Variants in C12orf42 observed in about 807,000 individuals in gnomAD.
C12orf42 encodes the protein chromosome 12 open reading frame 42, also known as uncharacterized protein C12orf42.
Under a neutral mutation model 21.6 loss-of-function variants are expected in C12orf42, and 25 were observed. The observed-to-expected ratio is 1.16, with a 90% CI of 0.84 to 1.62. C12orf42 has a LOEUF of 1.62. Among genes scored for constraint, C12orf42 ranks in the 40% most tolerant of loss-of-function variants. C12orf42 has a pLI of 0.00. For missense variants in C12orf42, 483 were observed against 459.3 expected, an observed-to-expected ratio of 1.05 and a Z score of -0.47; for synonymous variants, 174 against 175.0, an observed-to-expected ratio of 0.99 and a Z score of 0.05.
chr12:103,140,043 C>T, the C12orf42 span, among the ~76,000 whole-genome samples: 1 of 152,144 alleles, frequency 6.6e-6, no homozygotes, highest in Non-Finnish European at 1.5e-5. Context: ...TCAGCCCAAC[C>T]TCGAGGTGGC....
At chr12:103,481,670 C>T (rs529781733) in intron 1 of C12orf42, among the ~76,000 whole-genome samples, 1 of 150,858 alleles carries the variant, frequency 6.6e-6, no homozygotes, top group Non-Finnish European at 1.5e-5. Context: ...AAAAAAATAC[C>T]GTCTGACAAC....
intron 3 of C12orf42, among the ~76,000 whole-genome samples, chr12:103,393,562 A>C (rs916524728): frequency 6.6e-6 from 1 of 151,992 alleles, no homozygotes; most frequent in African/African-American, 2.4e-5. Flanking sequence ...ATCAACAACA[A>C]CACATGCTTC....
intron 1 of C12orf42, among the ~76,000 whole-genome samples, chr12:103,487,786 T>A (rs1343995386): frequency 3.3e-5 from 5 of 152,196 alleles, no homozygotes; most frequent in African/African-American, 1.2e-4. Flanking sequence ...ACCCCTCCTT[T>A]TTTTTGCTTT....
intron 5 of C12orf42, among the ~76,000 whole-genome samples, chr12:103,275,578 C>T (rs1190003942): frequency 1.3e-5 from 2 of 151,990 alleles, no homozygotes; most frequent in Non-Finnish European, 2.9e-5. Flanking sequence ...AGCCCAATTC[C>T]TTTTATGAGG....
intron 4 of C12orf42, among the ~76,000 whole-genome samples, chr12:103,308,061 G>GA (rs200817121): frequency 0.024 from 3,654 of 152,168 alleles, 131 homozygotes; most frequent in African/African-American, 0.082. Flanking sequence ...GTGTAGCCTA[G>GA]AAAAAATTCT....
At chr12:103,084,261 G>T in the C12orf42 span, among the ~76,000 whole-genome samples, 1 of 152,182 alleles carries the variant, frequency 6.6e-6, no homozygotes, top group East Asian at 1.9e-4. Flanking sequence ...CAATATTCTA[G>T]CAGAAAACAA....
At position 103,384,249 on chromosome 12, in the gene C12orf42, G is replaced by A. The variant is rs547370740; in HGVS notation, c.148-15251C>T. Among the ~76,000 whole-genome samples, 14 of 151,314 alleles carry A rather than the reference G, an allele frequency of 9.3e-5. No individual in the cohort carries two copies. The South Asian group carries it at 2.7e-3, about 29-fold the overall frequency. On this transcript the variant is annotated intron_variant, in intron 3 of 5. Coordinates refer to ENST00000548883, the MANE Select transcript of C12orf42 (RefSeq NM_198521.5). ...TTAAATGACTGCTTACATGCTAAGC[G>A]ACATTCAAAAAAAAAGTGGGGGGTG...
the C12orf42 span, among the ~76,000 whole-genome samples, chr12:103,080,690 C>T: frequency 1.3e-5 from 2 of 152,158 alleles, no homozygotes; most frequent in South Asian, 4.1e-4. Flanking sequence ...CTCCTCCTGT[C>T]ACAACCAATT....
chr12:103,103,280 C>T, the C12orf42 span, among the ~76,000 whole-genome samples: 14 of 152,332 alleles, frequency 9.2e-5, no homozygotes, highest in East Asian at 9.6e-4. Flanking sequence ...ACCCATCTTC[C>T]CTGAAAACAG....
chr12:103,336,719 G>A (rs1037896230), intron 4 of C12orf42, among the ~76,000 whole-genome samples: 11 of 152,140 alleles, frequency 7.2e-5, no homozygotes, highest in South Asian at 4.1e-4. Flanking sequence ...GGGATTGACC[G>A]TCTTAATTTG....
the C12orf42 span, among the ~76,000 whole-genome samples, chr12:103,145,650 T>C: frequency 1.3e-5 from 2 of 152,174 alleles, no homozygotes; most frequent in African/African-American, 4.8e-5. Flanking sequence ...GAAAAAATAG[T>C]GTAAACACAA....
chr12:103,402,707 A>G (rs2048107884), intron 2 of C12orf42, among the ~76,000 whole-genome samples: 1 of 152,228 alleles, frequency 6.6e-6, no homozygotes, highest in Non-Finnish European at 1.5e-5. Context: ...CAAGGAATAC[A>G]GATTATGTAG....
the C12orf42 span, among the ~76,000 whole-genome samples, chr12:103,060,248 T>C: frequency 1.3e-5 from 2 of 152,022 alleles, no homozygotes; most frequent in Non-Finnish European, 2.9e-5. Context: ...GAGAATAAGA[T>C]ACCTAGGAAT....
intron 3 of C12orf42, among the ~76,000 whole-genome samples, chr12:103,385,222 A>T (rs1216619001): frequency 6.6e-6 from 1 of 152,242 alleles, no homozygotes; most frequent in Non-Finnish European, 1.5e-5. Context: ...CTGAAAAAAG[A>T]AATATTCCAT....
intron 4 of C12orf42, among the ~76,000 whole-genome samples, chr12:103,282,904 C>T (rs2036223571): frequency 2.0e-5 from 3 of 152,082 alleles, no homozygotes; most frequent in Admixed American, 6.5e-5. Flanking sequence ...ACAAGAACTA[C>T]CCAAGGTCTG....
chr12:103,462,084 GTTTTTTGCTTGGTTTTTTTTTTTTTTTT>G (rs1407333912), intron 2 of C12orf42, among the ~76,000 whole-genome samples: 1 of 34,784 alleles, frequency 2.9e-5, no homozygotes, highest in Admixed American at 3.2e-4. Flanking sequence ...TTTTTGTTTT[GTTTTTTGCTTGGTTTTTTTTTTTTTTTT>G]TTTTTTTTTT....
chr12:103,489,561 G>T (rs1184251779), intron 1 of C12orf42, among the ~76,000 whole-genome samples: 1 of 152,230 alleles, frequency 6.6e-6, no homozygotes, highest in Non-Finnish European at 1.5e-5. Flanking sequence ...CCAAAGAAGT[G>T]CCTCTATGGA....
At chr12:103,196,934 C>T in the C12orf42 span, among the ~76,000 whole-genome samples, 11 of 152,176 alleles carry the variant, frequency 7.2e-5, no homozygotes, top group East Asian at 1.2e-3. Context: ...CATATTGATA[C>T]GTGCAGATTT....
At chr12:103,515,180 G>A in the C12orf42 span, among the ~76,000 whole-genome samples, 18 of 152,212 alleles carry the variant, frequency 1.2e-4, no homozygotes, top group Middle Eastern at 6.8e-3. Context: ...TCTTAAACTT[G>A]CAATAAATAT....
Sources: allele counts gnomAD v4.1 joint callset (sites outside exome capture counted in the v4.1 genomes callset), GRCh38; gene constraint gnomAD v4.1.1; transcripts MANE v1.5; gene names NCBI Gene and HGNC (gene_info 2026-07-23, HGNC 2026-07-21).